The following ABCC9 variants were observed in gnomAD, a reference collection of about 807,000 sequenced individuals.
ABCC9 encodes the protein ATP-binding cassette sub-family C member 9.
In ABCC9, 95 loss-of-function variants were observed where a neutral mutation model predicts 188.3. That is an observed-to-expected ratio of 0.50 (90% CI 0.43 to 0.60). The LOEUF (loss-of-function observed/expected upper bound fraction) is 0.60, where lower values mean the gene tolerates loss of function less well. ABCC9 is among the 20% of genes least tolerant of loss of function. ABCC9 has a pLI of 0.00. For synonymous variants in ABCC9, 659 were observed against 652.7 expected (o/e 1.01, Z -0.15); for missense variants, 1,102 against 1,876.3 (o/e 0.59, Z 7.62).
chr12:21,831,045 C>G (rs186126242), intron 30 of ABCC9: 1 of 150,480 alleles, frequency 6.6e-6, no homozygotes, highest in Admixed American at 6.6e-5. Flanking sequence ...TATACACACA[C>G]GCAAGGCTCA....
At chr12:21,881,858 C>A (rs1489991034) in intron 16 of ABCC9, among the ~76,000 whole-genome samples, 1 of 152,124 alleles carries the variant, frequency 6.6e-6, no homozygotes, top group African/African-American at 2.4e-5. Flanking sequence ...AATGGCATGT[C>A]CACCTCAAGA....
Position 21,915,731 on chromosome 12 carries a change from C to T in ABCC9, c.753G>A (p.Leu251=). 6.2e-7 allele frequency: 1 copy of T among 1,612,492 alleles called. No homozygotes were observed. ...TTGTTACTGCTCTCATTGCTATTGGCAATTTTCCAATTGCCTTCAGATCAA... is the reference window on the plus strand; with the variant it reads ...TTGTTACTGCTCTCATTGCTATTGGTAATTTTCCAATTGCCTTCAGATCAA... The part of the protein sequence containing the change: ...KPIDLKAIGK[L]PIAMRAVTNY... Residue 251 remains leucine (L), a synonymous_variant, in exon 7 of 40, where the codon TTG becomes TTA. Transcript: ENST00000261200.
rs1252181139 is a variant in ABCC9 at position 21,848,162 on chromosome 12, C to T, written c.2854G>A (p.Asp952Asn). Residue 952 changes from aspartate to asparagine, a missense_variant, in exon 25 of 40, where the codon GAC (aspartate) becomes AAC (asparagine). Around this residue, in one of 12 missense-constraint regions of ABCC9, gnomAD observed 131 missense variants for 170.2 expected, o/e 0.77. Coordinates refer to ENST00000261200, the MANE Select transcript of ABCC9 (RefSeq NM_020297.4). ...YSREAKAQME[D>N]EDEEEEEEED... is the part of the protein sequence containing the mutation. ...AAAAAAGATCTACCTTCGTCTTCGT[C>T]CTCCATCTGGGCTTTGGCTTCTCTT... 1.9e-6 allele frequency: 3 copies of T among 1,613,416 alleles called. No individual in the cohort carries two copies. Among genetic ancestry groups the T allele is most frequent in the Admixed American group, 1.7e-5 (1 of 59,962 alleles).
chr12:21,915,267 A>AT (rs774503903), intron 7 of ABCC9, among the ~76,000 whole-genome samples: 1 of 89,150 alleles, frequency 1.1e-5, no homozygotes, highest in Non-Finnish European at 2.1e-5. Context: ...GTGTGTATAT[A>AT]ATGTGTATAT....
chr12:21,866,119 G>T (rs1945766212), intron 18 of ABCC9, among the ~76,000 whole-genome samples: 1 of 151,778 alleles, frequency 6.6e-6, no homozygotes. Flanking sequence ...AGGCCATGAG[G>T]TATCCTGATT....
At chr12:21,929,101 AT>A (rs1949169895) in intron 4 of ABCC9, among the ~76,000 whole-genome samples, 2 of 152,144 alleles carry the variant, frequency 1.3e-5, no homozygotes, top group Admixed American at 6.5e-5. Context: ...TGCTTTTAGA[AT>A]TTTGACAGAT....
At chr12:21,875,146 G>A (rs1200467451) in intron 17 of ABCC9, among the ~76,000 whole-genome samples, 2 of 142,288 alleles carry the variant, frequency 1.4e-5, no homozygotes, top group Non-Finnish European at 3.0e-5. Context: ...CTTTATTGTG[G>A]TGATGGTTTT....
At chr12:21,913,137 A>G in intron 7 of ABCC9, 71 bp from the exon 8 acceptor site, 2 of 1,325,216 alleles carry the variant, frequency 1.5e-6, no homozygotes, top group South Asian at 1.3e-5. Flanking sequence ...AACTAATCTC[A>G]TGTATGGAAA....
intron 29 of ABCC9, among the ~76,000 whole-genome samples, chr12:21,839,876 G>A (rs61926067): frequency 0.023 from 3,513 of 152,286 alleles, 54 homozygotes; most frequent in Non-Finnish European, 0.039. Context: ...TTCACATGGG[G>A]ATTCGGGGAG....
At chr12:21,817,071 G>T in intron 33 of ABCC9, 116 bp downstream of exon 33, 1 of 1,155,722 alleles carries the variant, frequency 8.7e-7, no homozygotes, top group Non-Finnish European at 1.3e-6. Context: ...AGATATGAGA[G>T]AGTTTTCTGG....
intron 22 of ABCC9, 138 bp from the exon 23 acceptor site, chr12:21,852,643 A>G: frequency 6.8e-6 from 7 of 1,031,782 alleles, no homozygotes; most frequent in Non-Finnish European, 1.0e-5. Context: ...AGGATAAAGA[A>G]AAACTACCTG....
chr12:21,829,488 A>G lies in ABCC9; in HGVS notation c.3567-428T>C, dbSNP rs545096251. Among the ~76,000 whole-genome samples, 494 of 152,262 alleles carry G rather than the reference A, an allele frequency of 3.2e-3. 5 individuals are homozygous for G. The highest frequency in any genetic ancestry group is 0.01 in the Middle Eastern group (3 of 294). On this transcript the variant is annotated intron_variant, in intron 30 of 39. Transcript: ENST00000261200. ...AGTGCTGGGATTACAGGCGTGTGCCACCGCACCCGGCCCAGTAAATAGACT... is the reference window on the plus strand; with the variant it reads ...AGTGCTGGGATTACAGGCGTGTGCCGCCGCACCCGGCCCAGTAAATAGACT...
At chr12:21,927,542 G>A (rs1270579290) in intron 4 of ABCC9, among the ~76,000 whole-genome samples, 1 of 152,192 alleles carries the variant, frequency 6.6e-6, no homozygotes, top group East Asian at 1.9e-4. Flanking sequence ...ATTAGGGTAT[G>A]AGGGTGATGG....
Position 21,926,072 on chromosome 12 carries a change from A to C in ABCC9, c.285-9T>G. The C allele has an allele frequency of 6.2e-7, 1 of 1,614,034 alleles. No individual in the cohort carries two copies. The highest frequency in any genetic ancestry group is 8.5e-7 in the Non-Finnish European group (1 of 1,179,950). ...GCCTTGATTCCCGCCGCCTAGAAAG[A>C]GCAGTACGTCAACGCCTAAAGCTGA... On this transcript the variant is annotated splice_polypyrimidine_tract_variant and intron_variant, in intron 4 of 39. Transcript: ENST00000261200.
intron 39 of ABCC9, among the ~76,000 whole-genome samples, chr12:21,801,631 A>T (rs1941440417): frequency 6.6e-6 from 1 of 152,222 alleles, no homozygotes. Context: ...GGATGACAAT[A>T]TGGGGAAGTC....
intron 37 of ABCC9, among the ~76,000 whole-genome samples, 172 bp from the exon 38 acceptor site, chr12:21,807,651 A>G (rs1424079101): frequency 6.6e-6 from 1 of 152,218 alleles, no homozygotes; most frequent in East Asian, 1.9e-4. Flanking sequence ...TGGGAAAATG[A>G]AGATGTCCCT....
At position 21,857,086 on chromosome 12, in the gene ABCC9, A is replaced by T. The variant is rs368424593; in HGVS notation, c.2505+2500T>A. 2.2e-4 allele frequency among the ~76,000 whole-genome samples: 33 copies of T among 152,342 alleles called. 1 individual carries two copies. The highest frequency in any genetic ancestry group is 7.9e-4 in the African/African-American group (33 of 41,580). On this transcript the variant is annotated intron_variant, in intron 22 of 39. Transcript: ENST00000261200. Reference sequence around the variant, plus strand: ...TTTTGAGGAATTTTTAAAACACATCAACAGCATTCCATTGCTGCTAAAATG... The same window carrying T: ...TTTTGAGGAATTTTTAAAACACATCTACAGCATTCCATTGCTGCTAAAATG...
chr12:21,802,317 TTTATAAA>T (rs1941493471), intron 39 of ABCC9, among the ~76,000 whole-genome samples: 1 of 152,180 alleles, frequency 6.6e-6, no homozygotes, highest in Non-Finnish European at 1.5e-5. Flanking sequence ...ATTTTTTATG[TTTATAAA>T]TTAGAAAGGA....
chr12:21,807,286 G>T (rs1941923606), intron 38 of ABCC9, 60 bp downstream of exon 38: 5 of 1,609,664 alleles, frequency 3.1e-6, no homozygotes, highest in Admixed American at 1.7e-5. Flanking sequence ...ATAATAAATT[G>T]TAATTTTCAT....
Sources: gnomAD v4.1 joint callset for allele counts (sites outside exome capture counted in the v4.1 genomes callset) on GRCh38, gnomAD v4.1.1 for gene constraint, gnomAD v4.1.1 regional missense constraint, MANE v1.5 for transcripts, NCBI Gene and HGNC (gene_info 2026-07-23, HGNC 2026-07-21) for gene names.